PPARGC1A: variants seen among roughly 807,000 people sequenced by gnomAD.
PPARGC1A encodes the protein peroxisome proliferator-activated receptor gamma coactivator 1-alpha.
Under a neutral mutation model 88.7 loss-of-function variants are expected in PPARGC1A, and 25 were observed. The observed-to-expected ratio is 0.28, with a 90% CI of 0.21 to 0.39. The LOEUF (loss-of-function observed/expected upper bound fraction) is 0.39, where lower values mean the gene tolerates loss of function less well. Among genes scored for constraint, PPARGC1A ranks in the 10% least tolerant of loss-of-function variants. The pLI, the probability that PPARGC1A is intolerant of heterozygous loss-of-function variation, is 1.00. For synonymous variants in PPARGC1A, 363 were observed against 355.6 expected (o/e 1.02, Z -0.24); for missense variants, 880 against 968.7 (o/e 0.91, Z 1.22).
At chr4:24,326,491 G>A in the PPARGC1A span, among the ~76,000 whole-genome samples, 100 of 150,186 alleles carry the variant, frequency 6.7e-4, no homozygotes, top group Middle Eastern at 3.2e-3. Context: ...CTTTGCACCC[G>A]TCATCCCAGC....
the PPARGC1A span, among the ~76,000 whole-genome samples, chr4:23,999,721 G>A: frequency 6.6e-6 from 1 of 152,258 alleles, no homozygotes; most frequent in African/African-American, 2.4e-5. Flanking sequence ...CTTATTGAAC[G>A]GTCGGCTATC....
intron 12 of PPARGC1A, among the ~76,000 whole-genome samples, chr4:23,800,973 T>C (rs2109338544): frequency 6.6e-6 from 1 of 151,686 alleles, no homozygotes; most frequent in East Asian, 1.9e-4. Flanking sequence ...CTTTCTTTTT[T>C]TTTTTTTTTT....
At chr4:23,806,945 C>A (rs1172371845) in intron 10 of PPARGC1A, among the ~76,000 whole-genome samples, 1 of 152,128 alleles carries the variant, frequency 6.6e-6, no homozygotes, top group Admixed American at 6.5e-5. Flanking sequence ...AATGGGTGAT[C>A]TCTCTAAAAT....
the PPARGC1A span, among the ~76,000 whole-genome samples, chr4:23,991,980 A>G: frequency 6.6e-6 from 1 of 152,152 alleles, no homozygotes; most frequent in Admixed American, 6.6e-5. Flanking sequence ...ATCTCATTTT[A>G]GGCAAGAACA....
chr4:24,183,535 A>G, the PPARGC1A span, among the ~76,000 whole-genome samples: 2 of 152,226 alleles, frequency 1.3e-5, no homozygotes, highest in African/African-American at 4.8e-5. Context: ...GAGCTTTGTG[A>G]TGGTCATTAG....
At chr4:23,840,566 C>A (rs558971851) in intron 2 of PPARGC1A, among the ~76,000 whole-genome samples, 4 of 152,090 alleles carry the variant, frequency 2.6e-5, no homozygotes, top group Non-Finnish European at 5.9e-5. Flanking sequence ...TACACATTTT[C>A]CCTATCTTAT....
At chr4:23,906,982 T>A (rs1212478270), upstream of PPARGC1A, among the ~76,000 whole-genome samples, 2 of 152,116 alleles carry the variant, frequency 1.3e-5, no homozygotes, top group African/African-American at 4.8e-5. Context: ...TCAGGAGTAA[T>A]CATAGCTAAG....
chr4:23,956,406 C>A, the PPARGC1A span, among the ~76,000 whole-genome samples: 11 of 152,094 alleles, frequency 7.2e-5, no homozygotes, highest in Non-Finnish European at 1.5e-4. Flanking sequence ...CTAATGATAT[C>A]TTAAGCAATC....
At chr4:23,910,373 A>G in the PPARGC1A span, among the ~76,000 whole-genome samples, 1 of 103,802 alleles carries the variant, frequency 9.6e-6, no homozygotes, top group African/African-American at 4.0e-5. Flanking sequence ...ATATTATATT[A>G]TATTATATAT....
the PPARGC1A span, among the ~76,000 whole-genome samples, chr4:24,272,591 C>A: frequency 1.3e-5 from 2 of 152,214 alleles, no homozygotes; most frequent in Non-Finnish European, 2.9e-5. Flanking sequence ...CCCATTTCCA[C>A]CCCTTTTTAA....
At chr4:24,158,717 CTT>C in the PPARGC1A span, among the ~76,000 whole-genome samples, 2 of 152,126 alleles carry the variant, frequency 1.3e-5, no homozygotes, top group Non-Finnish European at 2.9e-5. Context: ...TAAGGAAAAT[CTT>C]TTTGATTTTG....
intron 10 of PPARGC1A, among the ~76,000 whole-genome samples, chr4:23,804,218 G>A (rs1265939586): frequency 6.6e-6 from 1 of 152,006 alleles, no homozygotes; most frequent in Non-Finnish European, 1.5e-5. Flanking sequence ...CTCCCCATTT[G>A]GTTCTTTCCC....
At chr4:24,050,779 C>A in the PPARGC1A span, among the ~76,000 whole-genome samples, 1 of 152,180 alleles carries the variant, frequency 6.6e-6, no homozygotes, top group Non-Finnish European at 1.5e-5. Flanking sequence ...CAAGGCAAAT[C>A]TGATCCTTAA....
At chr4:23,925,165 T>C in the PPARGC1A span, among the ~76,000 whole-genome samples, 1 of 152,350 alleles carries the variant, frequency 6.6e-6, no homozygotes, top group Non-Finnish European at 1.5e-5. Flanking sequence ...GAGTGATCTT[T>C]TACTGACCCA....
the PPARGC1A span, among the ~76,000 whole-genome samples, chr4:24,436,580 A>G: frequency 7.4e-3 from 1,101 of 149,246 alleles, 10 homozygotes; most frequent in Non-Finnish European, 6.6e-3. Context: ...GCCACCCCAG[A>G]GCCCGGGTCA....
At chr4:23,942,737 G>T in the PPARGC1A span, among the ~76,000 whole-genome samples, 1 of 152,038 alleles carries the variant, frequency 6.6e-6, no homozygotes, top group South Asian at 2.1e-4. Context: ...ACTCACAAAG[G>T]CAAATTTCCT....
the PPARGC1A span, among the ~76,000 whole-genome samples, chr4:24,244,534 C>T: frequency 6.6e-6 from 1 of 152,222 alleles, no homozygotes; most frequent in Non-Finnish European, 1.5e-5. Context: ...AACCCATGTT[C>T]TCTGCCTCCC....
the PPARGC1A span, among the ~76,000 whole-genome samples, chr4:24,401,235 G>A: frequency 6.6e-6 from 1 of 151,748 alleles, no homozygotes; most frequent in Non-Finnish European, 1.5e-5. Context: ...AGCCAGGATG[G>A]TCTCGATCTC....
At chr4:24,224,089 G>A in the PPARGC1A span, among the ~76,000 whole-genome samples, 1 of 152,162 alleles carries the variant, frequency 6.6e-6, no homozygotes, top group Non-Finnish European at 1.5e-5. Context: ...GGCATTGATG[G>A]GAAGGGGCAC....
Sources: allele counts gnomAD v4.1 joint callset (sites outside exome capture counted in the v4.1 genomes callset), GRCh38; gene constraint gnomAD v4.1.1; transcripts MANE v1.5; gene names NCBI Gene and HGNC (gene_info 2026-07-23, HGNC 2026-07-21).